GSDMC: variants seen among roughly 807,000 people sequenced by gnomAD.
The protein encoded by GSDMC is gasdermin-C.
A neutral mutation model predicts 58.0 loss-of-function variants in GSDMC; 59 were observed. That is an observed-to-expected ratio of 1.02 (90% CI 0.82 to 1.26). GSDMC has a LOEUF of 1.26. Ranked by LOEUF, GSDMC falls within the 50% of genes most tolerant of loss-of-function variation. The pLI, the probability that GSDMC is intolerant of heterozygous loss-of-function variation, is 0.00. For missense variants in GSDMC, 659 were observed against 598.5 expected, an observed-to-expected ratio of 1.10 and a Z score of -1.06; for synonymous variants, 241 against 220.2, an observed-to-expected ratio of 1.09 and a Z score of -0.83.
At chr8:129,757,218 C>T (rs2033476186) in intron 6 of GSDMC, among the ~76,000 whole-genome samples, 1 of 151,006 alleles carries the variant, frequency 6.6e-6, no homozygotes, top group South Asian at 2.1e-4. Context: ...AAAAAGGAGA[C>T]ATTACAACTG....
At chr8:129,727,707 C>T in the GSDMC span, among the ~76,000 whole-genome samples, 1 of 152,274 alleles carries the variant, frequency 6.6e-6, no homozygotes, top group African/African-American at 2.4e-5. Flanking sequence ...TTTGCTGACC[C>T]GGTAGCATGA....
rs111492672 is a variant in GSDMC, at chr8:129,765,828, T to C, written c.405-35A>G. ...TAAGGAAGGAGGACAAGAGTCAGAGTGGGAAAGTGATGGCTTTTCAGGTTA... is the reference window on the plus strand; with the variant it reads ...TAAGGAAGGAGGACAAGAGTCAGAGCGGGAAAGTGATGGCTTTTCAGGTTA... On this transcript the variant is annotated intron_variant, in intron 3 of 13. Transcript: ENST00000276708. 137 of 1,588,066 alleles carry C rather than the reference T, an allele frequency of 8.6e-5. 1 individual carries two copies. In the African/African-American group the frequency reaches 1.7e-3, roughly 19 times the overall value.
rs772712531 is a variant in GSDMC, at chr8:129,765,824, A to C, written c.405-31T>G. 22 of 1,590,998 alleles carry C rather than the reference A, an allele frequency of 1.4e-5. No homozygotes were observed. The African/African-American group carries it at 2.6e-4, about 18-fold the overall frequency. On this transcript the variant is annotated intron_variant, in intron 3 of 13. Transcript: ENST00000276708. ...GATTTAAGGAAGGAGGACAAGAGTC[A>C]GAGTGGGAAAGTGATGGCTTTTCAG...
chr8:129,766,685 C>G (rs1303796078), intron 3 of GSDMC, among the ~76,000 whole-genome samples: 1 of 152,122 alleles, frequency 6.6e-6, no homozygotes, highest in African/African-American at 2.4e-5. Flanking sequence ...GGTGTTTCAC[C>G]CTTCATTAGA....
chr8:129,737,784 ATGGC>A, the GSDMC span, among the ~76,000 whole-genome samples: 1 of 152,230 alleles, frequency 6.6e-6, no homozygotes, highest in East Asian at 1.9e-4. Context: ...ACCAAAAGCA[ATGGC>A]AACAAAAGCC....
intron 2 of GSDMC, 127 bp downstream of exon 2, chr8:129,777,241 G>GC (rs2034263598): frequency 4.9e-6 from 3 of 617,436 alleles, no homozygotes; most frequent in Non-Finnish European, 8.6e-6. Flanking sequence ...CTTGCCCCTT[G>GC]CCTATAGGCA....
chr8:129,776,724 T>C (rs916285034), intron 2 of GSDMC, among the ~76,000 whole-genome samples: 22 of 146,562 alleles, frequency 1.5e-4, no homozygotes, highest in Admixed American at 1.4e-3. Context: ...AACTGTTTTT[T>C]TGTTTGGTTT....
chr8:129,749,505 C>G lies in GSDMC; in HGVS notation c.1234G>C (p.Asp412His). ...AIMVLSDFQHDLLACSMEKRI... is the reference protein window; with the variant it reads ...AIMVLSDFQHHLLACSMEKRI... ...TTCTCCATGGAACAGGCCAGCAAATCGTGTTGGAAGTCACTCAGCACTGAG... is the reference window on the plus strand; with the variant it reads ...TTCTCCATGGAACAGGCCAGCAAATGGTGTTGGAAGTCACTCAGCACTGAG... The change falls in exon 13 of 14, where the codon GAT (aspartate) becomes CAT (histidine). Residue 412 changes from aspartate to histidine, a missense_variant. By Grantham distance (81) the Asp-to-His change is moderately conservative. Transcript: ENST00000276708. 6.2e-7 allele frequency: 1 copy of G among 1,613,780 alleles called. No homozygotes were observed. The highest frequency in any genetic ancestry group is 8.5e-7 in the Non-Finnish European group (1 of 1,179,746).
the GSDMC span, among the ~76,000 whole-genome samples, chr8:129,730,613 T>C: frequency 2.4e-4 from 36 of 152,226 alleles, no homozygotes; most frequent in African/African-American, 8.2e-4. Context: ...TTTCAATGCA[T>C]TAGTAAAAAT....
At chr8:129,768,447 A>T (rs1229833803) in intron 3 of GSDMC, among the ~76,000 whole-genome samples, 1 of 152,260 alleles carries the variant, frequency 6.6e-6, no homozygotes, top group Non-Finnish European at 1.5e-5. Context: ...AATGAACTAC[A>T]AGAAAATACA....
the GSDMC span, among the ~76,000 whole-genome samples, chr8:129,736,785 GCCAGGGCAAT>G: frequency 2.6e-3 from 393 of 152,238 alleles, 1 homozygote; most frequent in African/African-American, 9.2e-3. Flanking sequence ...GGAAGTTCTG[GCCAGGGCAAT>G]CAGGCAAGAG....
Position 129,762,652 on chromosome 8 carries a change from C to A in GSDMC, c.650G>T (p.Arg217Ile). The A allele has an allele frequency of 6.2e-7, 1 of 1,613,152 alleles. No individual in the cohort carries two copies. The highest frequency in any genetic ancestry group is 8.5e-7 in the Non-Finnish European group (1 of 1,179,078). Reference protein sequence around the residue: ...LQKGMVMAYKRKQLVIKEKAI... With the variant: ...LQKGMVMAYKIKQLVIKEKAI... ...TTTCTCCTTGATAACCAGCTGCTTT[C>A]TCTTATAAGCCATCACCATGCCTTT... Residue 217 changes from arginine (R) to isoleucine (I), a missense_variant, in exon 5 of 14, where the codon AGA becomes ATA. Coordinates refer to ENST00000276708, the MANE Select transcript of GSDMC (RefSeq NM_031415.3).
At chr8:129,784,643 T>C (rs1220402803) in intron 1 of GSDMC, among the ~76,000 whole-genome samples, 1 of 152,190 alleles carries the variant, frequency 6.6e-6, no homozygotes, top group Admixed American at 6.5e-5. Flanking sequence ...ACCCTGTTTG[T>C]GGGAATGTAA....
chr8:129,731,163 TAAG>T, the GSDMC span, among the ~76,000 whole-genome samples: 1 of 152,148 alleles, frequency 6.6e-6, no homozygotes, highest in Non-Finnish European at 1.5e-5. Flanking sequence ...TATTAGCTAT[TAAG>T]AAGGATAAAA....
Position 129,777,561 on chromosome 8 carries a change from G to T in GSDMC, c.27C>A (p.Ser9Arg). 1 of 1,609,166 alleles carries T rather than the reference G, an allele frequency of 6.2e-7. No homozygotes were observed. The highest frequency in any genetic ancestry group is 8.5e-7 in the Non-Finnish European group (1 of 1,176,666). Residue 9 changes from serine to arginine, a missense_variant, in exon 2 of 14, where the codon AGC becomes AGA. By Grantham distance (110) the Ser-to-Arg change is moderately radical. Coordinates refer to ENST00000276708, the MANE Select transcript of GSDMC (RefSeq NM_031415.3). ...TTCCAATCTCTTTGACCAAATTTTT[G>T]CTAATGCGTTCCAACATGGAGGGCA... MPSMLERISKNLVKEIGSK... is the reference protein window; with the variant it reads MPSMLERIRKNLVKEIGSK...
chr8:129,782,901 TA>T (rs535189791), intron 1 of GSDMC, among the ~76,000 whole-genome samples: 40 of 139,460 alleles, frequency 2.9e-4, no homozygotes, highest in Middle Eastern at 3.6e-3. Flanking sequence ...CAAAGAAACT[TA>T]AAAAAAAAAA....
chr8:129,733,370 C>T, the GSDMC span, among the ~76,000 whole-genome samples: 1 of 152,242 alleles, frequency 6.6e-6, no homozygotes, highest in Non-Finnish European at 1.5e-5. Context: ...CGAGTGGGTC[C>T]CTGACCCCCA....
At chr8:129,781,426 G>T (rs1015235940) in intron 1 of GSDMC, among the ~76,000 whole-genome samples, 1 of 152,202 alleles carries the variant, frequency 6.6e-6, no homozygotes, top group Admixed American at 6.5e-5. Context: ...TAGAGCTAAA[G>T]AGATAGACCC....
At chr8:129,751,607 C>T (rs199606734) in intron 9 of GSDMC, 39 bp from the exon 10 acceptor site, 44 of 1,601,312 alleles carry the variant, frequency 2.7e-5, no homozygotes, top group Non-Finnish European at 3.4e-5. Flanking sequence ...CTTCCTCATC[C>T]CCCCAAATTT....
Sources: allele counts gnomAD v4.1 joint callset (sites outside exome capture counted in the v4.1 genomes callset), GRCh38; gene constraint gnomAD v4.1.1; transcripts MANE v1.5; gene names NCBI Gene and HGNC (gene_info 2026-07-23, HGNC 2026-07-21).